The following SDK2 variants were observed in gnomAD, a reference collection of about 807,000 sequenced individuals.
SDK2 encodes the protein protein sidekick-2.
Under a neutral mutation model 253.9 loss-of-function variants are expected in SDK2, and 105 were observed. The observed-to-expected ratio is 0.41, with a 90% CI of 0.35 to 0.49. The LOEUF is 0.49. Among genes scored for constraint, SDK2 ranks in the 20% least tolerant of loss-of-function variants. The pLI, the probability that SDK2 is intolerant of heterozygous loss-of-function variation, is 0.06. For missense variants in SDK2, 2,608 were observed against 3,003.0 expected, an observed-to-expected ratio of 0.87 and a Z score of 3.07; for synonymous variants, 1,249 against 1,234.9, an observed-to-expected ratio of 1.01 and a Z score of -0.24.
chr17:73,507,380 T>C, intron 2 of SDK2, 58 bp downstream of exon 2: 1 of 1,501,256 alleles, frequency 6.7e-7, no homozygotes, highest in Non-Finnish European at 9.0e-7. Context: ...CCATGCCCTC[T>C]TCAAAGCAGG....
intron 36 of SDK2, among the ~76,000 whole-genome samples, chr17:73,370,872 G>A (rs960437494): frequency 1.3e-5 from 2 of 152,056 alleles, no homozygotes; most frequent in South Asian, 4.2e-4. Flanking sequence ...AGACCAGCCT[G>A]GGCAACATGG....
At chr17:73,471,591 C>T (rs1014377366) in intron 3 of SDK2, among the ~76,000 whole-genome samples, 9 of 152,080 alleles carry the variant, frequency 5.9e-5, no homozygotes, top group African/African-American at 2.2e-4. Context: ...GAGTGAGACT[C>T]CAACTCAAAA....
chr17:73,582,286 ACACCACGCAGGCATCAGCATTTGGGGGCG>A lies in SDK2; in HGVS notation c.64+61710_64+61738del, dbSNP rs1189777155. On this transcript the variant is annotated intron_variant, in intron 1 of 44. Coordinates refer to ENST00000392650, the MANE Select transcript of SDK2 (RefSeq NM_001144952.2). ...CGCAGGCATCAGCATTTGGGGGCGC[ACACCACGCAGGCATCAGCATTTGGGGGCG>A]CACACCACGCAGGCATCAGCATTTG... 5.7e-3 allele frequency among the ~76,000 whole-genome samples: 842 copies of A among 148,774 alleles called. 11 individuals carry two copies. The highest frequency in any genetic ancestry group is 0.02 in the African/African-American group (808 of 39,762).
intron 1 of SDK2, among the ~76,000 whole-genome samples, chr17:73,574,974 C>T (rs1240330923): frequency 6.6e-6 from 1 of 152,244 alleles, no homozygotes; most frequent in African/African-American, 2.4e-5. Context: ...GCCATCTGTC[C>T]TCTCTGCTCA....
chr17:73,401,155 G>A lies in SDK2; in HGVS notation c.2836C>T (p.Leu946=). Residue 946 remains leucine (L), a synonymous_variant, in exon 21 of 45, where the codon CTG becomes TTG. Coordinates refer to ENST00000392650, the MANE Select transcript of SDK2 (RefSeq NM_001144952.2). ...NRTNTRVTHY[L]PNVTLEYRVT... ...CGGTACTCCAGGGTCACGTTGGGCA[G>A]GTAGTGGGTCACACGGGTGTTGGTT... is the stretch of plus-strand genomic sequence containing the variant. The A allele has an allele frequency of 4.5e-6, 7 of 1,559,898 alleles. No homozygotes were observed. The highest frequency in any genetic ancestry group is 6.1e-6 in the Non-Finnish European group (7 of 1,151,752).
intron 16 of SDK2, among the ~76,000 whole-genome samples, chr17:73,417,395 G>A (rs2063191341): frequency 6.7e-6 from 1 of 149,518 alleles, no homozygotes; most frequent in African/African-American, 2.5e-5. Context: ...AATGGAGTGA[G>A]ACCCTGTCTC....
rs71157018 is a variant in SDK2 at position 73,509,902 on chromosome 17, C to CAAAAAAAAAAAAAAA, written c.65-2320_65-2306dup. Among the ~76,000 whole-genome samples the CAAAAAAAAAAAAAAA allele has an allele frequency of 1.5e-3, 39 of 25,386 alleles. 2 individuals carry two copies. Among genetic ancestry groups the CAAAAAAAAAAAAAAA allele is most frequent in the African/African-American group, 5.3e-3 (28 of 5,264 alleles). The allele number at this position is 25,386 out of a possible 152,430, so 16.7% of individuals were successfully genotyped here. A position where few individuals can be genotyped will look rare whatever the true frequency, so the allele number is the denominator to read the frequency against. ...GCAACAGAGCAAGACTCCATCTCTA[C>CAAAAAAAAAAAAAAA]AAAAAAAAAAAAAAAAAAAAGAAGG... On this transcript the variant is annotated intron_variant, in intron 1 of 44. Coordinates refer to ENST00000392650, the MANE Select transcript of SDK2 (RefSeq NM_001144952.2).
rs1044197572 is a variant in SDK2 at position 73,411,721 on chromosome 17, G to A, written c.2484+2923C>T. On this transcript the variant is annotated intron_variant, in intron 18 of 44. Coordinates refer to ENST00000392650, the MANE Select transcript of SDK2 (RefSeq NM_001144952.2). ...GTCTGTGTTCCAGGATGGGAGGACT[G>A]AGAAGTCCTGACCTTTAGCTCAGTT... is the stretch of plus-strand genomic sequence containing the variant. Among the ~76,000 whole-genome samples, 3 of 152,072 alleles carry A rather than the reference G, an allele frequency of 2.0e-5. No individual in the cohort carries two copies. In the East Asian group the frequency reaches 5.8e-4, roughly 29 times the overall value.
chr17:73,501,859 G>T (rs1232175104), intron 2 of SDK2, among the ~76,000 whole-genome samples: 1 of 152,200 alleles, frequency 6.6e-6, no homozygotes, highest in African/African-American at 2.4e-5. Flanking sequence ...TCTGATGCAG[G>T]CATTACTGCG....
In SDK2 at chr17:73,393,134, G is replaced by T. The variant is rs2062941609; in HGVS notation, c.3898+426C>A. 2.0e-5 allele frequency among the ~76,000 whole-genome samples: 3 copies of T among 149,966 alleles called. No individual in the cohort carries two copies. In the Admixed American group the frequency reaches 2.0e-4, roughly 10 times the overall value. ...GTGGCCAGCGCCTGTAATCCCAGCT[G>T]CTCAGGAGGCTGAGGCAAGAGAATG... On this transcript the variant is annotated intron_variant, in intron 27 of 44. Transcript: ENST00000392650.
chr17:73,479,092 T>A (rs539559438), intron 2 of SDK2, among the ~76,000 whole-genome samples: 2 of 152,274 alleles, frequency 1.3e-5, no homozygotes, highest in Non-Finnish European at 1.5e-5. Flanking sequence ...CATGTTTGGA[T>A]GAGGCCTCCT....
chr17:73,532,299 C>T (rs1003551871), intron 1 of SDK2, among the ~76,000 whole-genome samples: 1 of 147,938 alleles, frequency 6.8e-6, no homozygotes, highest in Non-Finnish European at 1.5e-5. Flanking sequence ...CCCTGTCTGT[C>T]CATTCCCACC....
At chr17:73,339,560 G>A (rs1206408325) in intron 44 of SDK2, among the ~76,000 whole-genome samples, 1 of 151,646 alleles carries the variant, frequency 6.6e-6, no homozygotes, top group Non-Finnish European at 1.5e-5. Context: ...TTTTTTGGGG[G>A]GCGGGGAGTG....
At chr17:73,432,939 C>T (rs1474667122) in intron 10 of SDK2, among the ~76,000 whole-genome samples, 1 of 152,106 alleles carries the variant, frequency 6.6e-6, no homozygotes, top group Non-Finnish European at 1.5e-5. Flanking sequence ...AGAGGAAGCA[C>T]ACAGGGCAGA....
Position 73,352,862 on chromosome 17 carries a change from T to C in SDK2, c.5594-225A>G, listed in dbSNP as rs901436941. ...ATTCCAGCACTTTGAGAGGCCGAGG[T>C]GGGTGGATCACCTGAGGTTAGGAGT... On this transcript the variant is annotated intron_variant, in intron 40 of 44. Transcript: ENST00000392650. This position sits in a 1 kb window ranked among gnomAD's most constrained non-coding sequence, Gnocchi z 4.1. 6.6e-6 allele frequency among the ~76,000 whole-genome samples: 1 copy of C among 152,120 alleles called. No homozygotes were observed. The highest frequency in any genetic ancestry group is 6.5e-5 in the Admixed American group (1 of 15,280).
chr17:73,583,024 C>G (rs991726807), intron 1 of SDK2, among the ~76,000 whole-genome samples: 2 of 152,192 alleles, frequency 1.3e-5, no homozygotes, highest in African/African-American at 4.8e-5. Context: ...GGACACTCAC[C>G]CCCTGCCTCT....
intron 1 of SDK2, among the ~76,000 whole-genome samples, chr17:73,558,987 A>G (rs1442032267): frequency 6.6e-6 from 1 of 152,204 alleles, no homozygotes; most frequent in Non-Finnish European, 1.5e-5. Flanking sequence ...CAAAGACTAA[A>G]AAGGTAGCTG....
intron 1 of SDK2, among the ~76,000 whole-genome samples, chr17:73,610,009 G>A (rs1330099969): frequency 9.2e-5 from 14 of 152,216 alleles, no homozygotes; most frequent in Admixed American, 8.5e-4. Context: ...GATGGAAGCA[G>A]GGTCCCCCAC....
At chr17:73,617,236 G>T (rs2046071474) in intron 1 of SDK2, among the ~76,000 whole-genome samples, 2 of 147,374 alleles carry the variant, frequency 1.4e-5, no homozygotes, top group Admixed American at 6.7e-5. Context: ...TCCCGCAGAG[G>T]GGAGGGGAGA....
Sources: gnomAD v4.1 joint callset for allele counts (sites outside exome capture counted in the v4.1 genomes callset) on GRCh38, gnomAD v4.1.1 for gene constraint, Gnocchi (gnomAD v3.1) non-coding constraint, MANE v1.5 for transcripts, NCBI Gene and HGNC (gene_info 2026-07-23, HGNC 2026-07-21) for gene names.